TTLL11: variants seen among roughly 807,000 people sequenced by gnomAD.
TTLL11 encodes tubulin tyrosine ligase like 11.
Under a neutral mutation model 51.7 loss-of-function variants are expected in TTLL11, and 42 were observed. That is an observed-to-expected ratio of 0.81 (90% CI 0.64 to 1.05). The LOEUF is 1.05. Among genes scored for constraint, TTLL11 ranks in the 50% least tolerant of loss-of-function variants. The pLI is 0.00. For missense variants in TTLL11, 799 were observed against 940.4 expected (o/e 0.85, Z 1.97); for synonymous variants, 381 against 383.5 (o/e 0.99, Z 0.08).
At chr9:121,879,374 C>T (rs944723020) in intron 6 of TTLL11, among the ~76,000 whole-genome samples, 2 of 152,214 alleles carry the variant, frequency 1.3e-5, no homozygotes, top group Non-Finnish European at 2.9e-5. Flanking sequence ...CTAACAAACC[C>T]TCCACGTGTG....
At position 121,995,782 on chromosome 9, in the gene TTLL11, TACA is replaced by T. The variant is rs1287199340; in HGVS notation, c.694-6015_694-6013del. On this transcript the variant is annotated intron_variant, in intron 3 of 8. Transcript: ENST00000321582. The surrounding 1 kb of genome is among the most constrained non-coding windows in gnomAD (Gnocchi z 4.4). The stretch of plus-strand genomic sequence containing the variant: ...ATCTCCTACAGATGATTAATTCTGA[TACA>T]ACAACTCTCCCAAGCTTGGAAAGAA... Among the ~76,000 whole-genome samples the T allele has an allele frequency of 1.9e-4, 29 of 152,182 alleles. No individual in the cohort carries two copies. Among genetic ancestry groups the T allele is most frequent in the Non-Finnish European group, 3.2e-4 (22 of 68,030 alleles).
intron 3 of TTLL11, among the ~76,000 whole-genome samples, chr9:122,014,083 T>C (rs1843895153): frequency 6.6e-6 from 1 of 152,164 alleles, no homozygotes; most frequent in East Asian, 1.9e-4. Context: ...CTTGAACCTA[T>C]GGTCAGGCAC....
chr9:121,950,007 GT>G (rs1841800269), intron 6 of TTLL11, among the ~76,000 whole-genome samples: 1 of 152,004 alleles, frequency 6.6e-6, no homozygotes, highest in South Asian at 2.1e-4. Context: ...CCCTGGCTTG[GT>G]GGAGGTTATC....
intron 6 of TTLL11, among the ~76,000 whole-genome samples, chr9:121,936,228 T>C (rs977625299): frequency 4.6e-5 from 7 of 151,180 alleles, no homozygotes; most frequent in African/African-American, 1.7e-4. Context: ...CTGACAAGAG[T>C]CCATATAATT....
chr9:121,992,749 C>T (rs1422070518), intron 3 of TTLL11, among the ~76,000 whole-genome samples: 1 of 152,128 alleles, frequency 6.6e-6, no homozygotes, highest in Non-Finnish European at 1.5e-5. Flanking sequence ...GAGGTGGTGG[C>T]CTAATTGCCT....
intron 6 of TTLL11, among the ~76,000 whole-genome samples, chr9:121,970,675 C>A (rs560290028): frequency 6.6e-6 from 1 of 152,120 alleles, no homozygotes; most frequent in Non-Finnish European, 1.5e-5. Flanking sequence ...GTTAGAATGG[C>A]GATCATTAAA....
At chr9:122,047,085 G>A (rs1261203083) in intron 1 of TTLL11, among the ~76,000 whole-genome samples, 1 of 152,152 alleles carries the variant, frequency 6.6e-6, no homozygotes, top group East Asian at 1.9e-4. Context: ...AGCAACGAGG[G>A]CACAGGAAGA....
chr9:121,942,243 C>T (rs2131583136), intron 6 of TTLL11, among the ~76,000 whole-genome samples: 1 of 152,312 alleles, frequency 6.6e-6, no homozygotes, highest in Admixed American at 6.5e-5. Context: ...GCCAGCTGTT[C>T]CTGCTGCCTG....
chr9:121,965,660 G>A (rs1470419324), intron 6 of TTLL11, among the ~76,000 whole-genome samples: 4 of 152,172 alleles, frequency 2.6e-5, no homozygotes, highest in Non-Finnish European at 5.9e-5. Flanking sequence ...GATAGCGGAT[G>A]ATTCTTCAGG....
intron 8 of TTLL11, among the ~76,000 whole-genome samples, chr9:121,829,923 GCTT>G (rs577298618): frequency 2.5e-3 from 383 of 152,122 alleles, no homozygotes; most frequent in African/African-American, 8.5e-3. Flanking sequence ...CCTTCATGGT[GCTT>G]CTTCTTGTTT....
intron 5 of TTLL11, 22 bp downstream of exon 5, chr9:121,974,862 A>G: frequency 6.6e-7 from 1 of 1,513,478 alleles, no homozygotes; most frequent in South Asian, 1.2e-5. Context: ...AACATAGTCA[A>G]TGAGATGCTC....
Position 121,820,968 on chromosome 9 carries a change from C to T in TTLL11, c.*1619G>A, listed in dbSNP as rs112592433. On this transcript the variant is annotated 3_prime_UTR_variant, in exon 9 of 9. Transcript: ENST00000321582. ...AAGGGGTGCTGCGCGGCAGCCACAC[C>T]GTGGGGGAAACAGGTTTTCCTCTTT... is the stretch of plus-strand genomic sequence containing the variant. Among the ~76,000 whole-genome samples, 194 of 151,690 alleles carry T rather than the reference C, an allele frequency of 1.3e-3. 1 individual carries two copies. Among genetic ancestry groups the T allele is most frequent in the African/African-American group, 4.1e-3 (171 of 41,362 alleles).
chr9:122,039,436 T>A (rs1290801835), intron 1 of TTLL11, 68 bp from the exon 2 acceptor site: 24 of 1,288,964 alleles, frequency 1.9e-5, no homozygotes, highest in East Asian at 1.6e-4. Flanking sequence ...GTATCCATTA[T>A]GTACAAATTC....
chr9:121,819,497 G>A lies in TTLL11; in HGVS notation c.*3090C>T, dbSNP rs539180591. 13 of 152,564 alleles carry A rather than the reference G, an allele frequency of 8.5e-5. No homozygotes were observed. The highest frequency in any genetic ancestry group is 7.7e-4 in the East Asian group (4 of 5,192). The allele number at this position is 152,564 out of a possible 1,614,324, so 9.5% of individuals were successfully genotyped here. The stretch of plus-strand genomic sequence containing the variant: ...CAGGCTGAGCTTGATCTTCTTACCC[G>A]TTCATTCCAAGCCCCCGGAGTGCCC... On this transcript the variant is annotated 3_prime_UTR_variant, in exon 9 of 9. Transcript: ENST00000321582.
chr9:121,885,226 T>C (rs1838966253), intron 6 of TTLL11: 1 of 152,242 alleles, frequency 6.6e-6, no homozygotes, highest in Non-Finnish European at 1.5e-5. Flanking sequence ...CTTCTTGCTA[T>C]TTCCATGTTG....
At chr9:121,940,487 G>A (rs551976364) in intron 6 of TTLL11, among the ~76,000 whole-genome samples, 9 of 152,126 alleles carry the variant, frequency 5.9e-5, no homozygotes, top group Non-Finnish European at 1.2e-4. Context: ...ATAGGCACAC[G>A]CTACCCTGAC....
At chr9:121,826,184 C>CAA (rs1491277758) in intron 8 of TTLL11, among the ~76,000 whole-genome samples, 1 of 51,134 alleles carries the variant, frequency 2.0e-5, no homozygotes, top group Non-Finnish European at 3.3e-5. Flanking sequence ...AACCAGTAAC[C>CAA]TATATATATA....
Position 121,890,658 on chromosome 9 carries a change from T to C in TTLL11, c.1482-19910A>G, listed in dbSNP as rs1437134450. 6.6e-6 allele frequency among the ~76,000 whole-genome samples: 1 copy of C among 152,226 alleles called. No individual in the cohort carries two copies. Among genetic ancestry groups the C allele is most frequent in the African/African-American group, 2.4e-5 (1 of 41,464 alleles). ...TTATTTTCCATCTCCTGTCCTCTCA[T>C]CCTCCACCTCCCATCAATAATGGCA... On this transcript the variant is annotated intron_variant, in intron 6 of 8. Coordinates refer to ENST00000321582, the MANE Select transcript of TTLL11 (RefSeq NM_001139442.2). This position sits in a 1 kb window ranked among gnomAD's most constrained non-coding sequence, Gnocchi z 4.3.
intron 8 of TTLL11, among the ~76,000 whole-genome samples, chr9:121,826,874 T>C (rs1003664415): frequency 4.6e-5 from 7 of 152,000 alleles, no homozygotes; most frequent in Non-Finnish European, 1.0e-4. Context: ...TCGACTGGGC[T>C]GAGAGCAGGG....
Sources: gnomAD v4.1 joint callset for allele counts (sites outside exome capture counted in the v4.1 genomes callset) on GRCh38, gnomAD v4.1.1 for gene constraint, Gnocchi (gnomAD v3.1) non-coding constraint, MANE v1.5 for transcripts, NCBI Gene and HGNC (gene_info 2026-07-23, HGNC 2026-07-21) for gene names.